SCAI: variants seen among roughly 807,000 people sequenced by gnomAD.
SCAI encodes protein SCAI.
A neutral mutation model predicts 92.2 loss-of-function variants in SCAI; 24 were observed. That is an observed-to-expected ratio of 0.26 (90% CI 0.19 to 0.37). SCAI has a LOEUF of 0.37. Among genes scored for constraint, SCAI ranks in the 10% least tolerant of loss-of-function variants. The pLI is 1.00. For missense variants in SCAI, 450 were observed against 736.2 expected (o/e 0.61, Z 4.50); for synonymous variants, 261 against 258.6 (o/e 1.01, Z -0.09).
intron 2 of SCAI, among the ~76,000 whole-genome samples, chr9:125,133,764 C>T (rs1835457208): frequency 6.6e-6 from 1 of 152,126 alleles, no homozygotes; most frequent in Non-Finnish European, 1.5e-5. Flanking sequence ...GAAAGAATCA[C>T]AAGACCAAGT....
intron 14 of SCAI, among the ~76,000 whole-genome samples, chr9:124,986,421 G>A (rs1831991392): frequency 6.6e-6 from 1 of 152,208 alleles, no homozygotes; most frequent in African/African-American, 2.4e-5. Flanking sequence ...ACACACAGCT[G>A]AAGAGAAAAT....
chr9:124,965,600 G>A (rs982493189), intron 17 of SCAI, among the ~76,000 whole-genome samples: 3 of 152,130 alleles, frequency 2.0e-5, no homozygotes, highest in Non-Finnish European at 2.9e-5. Context: ...GAGATAAAAA[G>A]GTATTTCACA....
chr9:125,142,366 C>T (rs1329148655), intron 2 of SCAI: 1 of 272,890 alleles, frequency 3.7e-6, no homozygotes, highest in Admixed American at 5.3e-5. Flanking sequence ...AAAAAAATAG[C>T]TGAGATCCTT....
intron 13 of SCAI, among the ~76,000 whole-genome samples, chr9:124,997,444 A>G (rs1832262267): frequency 6.6e-6 from 1 of 152,222 alleles, no homozygotes; most frequent in African/African-American, 2.4e-5. Flanking sequence ...CATATTTCAG[A>G]TAAGGGATAT....
chr9:124,962,840 C>A (rs1831467241), intron 17 of SCAI, among the ~76,000 whole-genome samples: 1 of 151,042 alleles, frequency 6.6e-6, no homozygotes, highest in Non-Finnish European at 1.5e-5. Context: ...GCTCTGTCAC[C>A]CAGGCTGGAG....
intron 9 of SCAI, among the ~76,000 whole-genome samples, chr9:125,008,646 C>T (rs1414267312): frequency 1.3e-5 from 2 of 151,948 alleles, no homozygotes; most frequent in African/African-American, 4.8e-5. Flanking sequence ...CAGAAAACAG[C>T]CTAACTTAAA....
At chr9:125,136,124 T>G (rs1835520661) in intron 2 of SCAI, among the ~76,000 whole-genome samples, 1 of 151,920 alleles carries the variant, frequency 6.6e-6, no homozygotes, top group Non-Finnish European at 1.5e-5. Flanking sequence ...CCTTTTTTTT[T>G]TTTTTTGAGA....
intron 2 of SCAI, among the ~76,000 whole-genome samples, chr9:125,114,430 G>A (rs1420617306): frequency 6.6e-6 from 1 of 151,930 alleles, no homozygotes; most frequent in Non-Finnish European, 1.5e-5. Flanking sequence ...CTAGTATAAT[G>A]GCTAAATTTT....
rs931622243 is a variant in SCAI, at chr9:124,947,177, A to T, written c.*5630T>A. ...ACATTTTCCTATGTTTTTAAATGTG[A>T]TTAAAGCAATTTTTTTCCACAGCCT... On this transcript the variant is annotated 3_prime_UTR_variant, in exon 18 of 18. Coordinates refer to ENST00000336505, the MANE Select transcript of SCAI (RefSeq NM_001144877.3). The T allele has an allele frequency of 6.6e-6, 1 of 152,172 alleles. No homozygotes were observed. The highest frequency in any genetic ancestry group is 2.4e-5 in the African/African-American group (1 of 41,440). The allele number at this position is 152,172 out of a possible 1,614,324, so 9.4% of individuals were successfully genotyped here.
intron 17 of SCAI, among the ~76,000 whole-genome samples, chr9:124,969,079 A>G (rs1172696212): frequency 1.3e-5 from 2 of 152,042 alleles, no homozygotes; most frequent in African/African-American, 2.4e-5. Flanking sequence ...AAGAGCTGGG[A>G]CTATAGGCAC....
chr9:125,017,594 A>G (rs911407997), intron 9 of SCAI, among the ~76,000 whole-genome samples: 3 of 152,212 alleles, frequency 2.0e-5, no homozygotes, highest in African/African-American at 7.2e-5. Context: ...ACACATCTAG[A>G]AAAATGTATT....
intron 3 of SCAI, among the ~76,000 whole-genome samples, chr9:125,052,981 A>T (rs1265235055): frequency 6.6e-6 from 1 of 152,134 alleles, no homozygotes; most frequent in Non-Finnish European, 1.5e-5. Context: ...TGATGAGGCC[A>T]CTTTGGAAAA....
At chr9:125,104,038 T>C (rs192021766) in intron 2 of SCAI, among the ~76,000 whole-genome samples, 2 of 152,308 alleles carry the variant, frequency 1.3e-5, no homozygotes, top group Admixed American at 1.3e-4. Context: ...ATGCTCCATA[T>C]AGCCAGGCCT....
At chr9:125,010,786 G>C (rs1832619977) in intron 9 of SCAI, among the ~76,000 whole-genome samples, 1 of 152,180 alleles carries the variant, frequency 6.6e-6, no homozygotes. Context: ...CACCCCCCAA[G>C]TAGGGGCAGA....
At chr9:125,075,562 T>A (rs1276607354) in intron 2 of SCAI, among the ~76,000 whole-genome samples, 1 of 148,570 alleles carries the variant, frequency 6.7e-6, no homozygotes, top group Non-Finnish European at 1.5e-5. Context: ...CACGTCCAGC[T>A]AATTTTTTTT....
At chr9:125,009,307 T>C (rs551822012) in intron 9 of SCAI, among the ~76,000 whole-genome samples, 1 of 152,344 alleles carries the variant, frequency 6.6e-6, no homozygotes, top group African/African-American at 2.4e-5. Flanking sequence ...TCTTCTTCTG[T>C]TGCCCAGGCT....
At chr9:125,014,841 T>A (rs962362918) in intron 9 of SCAI, among the ~76,000 whole-genome samples, 4 of 151,962 alleles carry the variant, frequency 2.6e-5, no homozygotes, top group African/African-American at 9.7e-5. Flanking sequence ...GAGACATAGA[T>A]CAATGGAACA....
intron 9 of SCAI, among the ~76,000 whole-genome samples, chr9:125,016,103 C>T (rs1832753155): frequency 6.7e-6 from 1 of 150,298 alleles, no homozygotes; most frequent in African/African-American, 2.5e-5. Context: ...ATGGGTGCAG[C>T]ACACCAGCAT....
chr9:125,097,407 T>C (rs1252580254), intron 2 of SCAI, among the ~76,000 whole-genome samples: 1 of 151,792 alleles, frequency 6.6e-6, no homozygotes, highest in Non-Finnish European at 1.5e-5. Context: ...CACTCCAACC[T>C]GGGAGACAGA....
Sources: allele counts gnomAD v4.1 joint callset (sites outside exome capture counted in the v4.1 genomes callset), GRCh38; gene constraint gnomAD v4.1.1; transcripts MANE v1.5; gene names NCBI Gene and HGNC (gene_info 2026-07-23, HGNC 2026-07-21).